The following UNC5D variants were observed in gnomAD, a reference collection of about 807,000 sequenced individuals.
The protein encoded by UNC5D is netrin receptor UNC5D.
Under a neutral mutation model 105.4 loss-of-function variants are expected in UNC5D, and 39 were observed. The ratio of observed to expected loss-of-function variants is 0.37; its 90% CI spans 0.29 to 0.48. The LOEUF (loss-of-function observed/expected upper bound fraction) is 0.48, where lower values mean the gene tolerates loss of function less well. Among genes scored for constraint, UNC5D ranks in the 20% least tolerant of loss-of-function variants. The pLI is 0.98. For missense variants in UNC5D, 991 were observed against 1,202.4 expected (o/e 0.82, Z 2.60); for synonymous variants, 452 against 450.4 (o/e 1.00, Z -0.04).
chr8:35,327,003 G>A (rs1054591556), intron 1 of UNC5D, among the ~76,000 whole-genome samples: 1 of 152,072 alleles, frequency 6.6e-6, no homozygotes, highest in African/African-American at 2.4e-5. Flanking sequence ...TATGAACATT[G>A]CCCCCACTGG....
rs537132033 is a variant in UNC5D, at chr8:35,721,928, A to G, written c.1118-282A>G. Among the ~76,000 whole-genome samples, 6 of 152,354 alleles carry G rather than the reference A, an allele frequency of 3.9e-5. No homozygotes were observed. In the South Asian group the frequency reaches 1.2e-3, roughly 32 times the overall value. ...AGTTGTCTGCTCTTACTAGAAAAAA[A>G]CATTATTTTCTTTGCAAAATTGATT... On this transcript the variant is annotated intron_variant, in intron 8 of 16. Coordinates refer to ENST00000404895, the MANE Select transcript of UNC5D (RefSeq NM_080872.4).
chr8:35,481,329 G>C (rs540841633), intron 1 of UNC5D, among the ~76,000 whole-genome samples: 63 of 152,164 alleles, frequency 4.1e-4, no homozygotes, highest in Non-Finnish European at 7.6e-4. Context: ...AATGACAAAG[G>C]TGGAGGTTGC....
At chr8:35,359,609 G>A (rs1448154671) in intron 1 of UNC5D, among the ~76,000 whole-genome samples, 27 of 152,104 alleles carry the variant, frequency 1.8e-4, no homozygotes, top group Admixed American at 1.6e-3. Flanking sequence ...GCAAAATATA[G>A]TGAAATAAGG....
chr8:35,759,019 G>C (rs779420819), intron 13 of UNC5D, among the ~76,000 whole-genome samples: 12 of 152,144 alleles, frequency 7.9e-5, no homozygotes, highest in Non-Finnish European at 1.6e-4. Flanking sequence ...ATTACGATTT[G>C]CTTGGGGTCA....
At chr8:35,668,534 A>G (rs1178394535) in intron 4 of UNC5D, among the ~76,000 whole-genome samples, 1 of 152,014 alleles carries the variant, frequency 6.6e-6, no homozygotes, top group Non-Finnish European at 1.5e-5. Context: ...TATTATAAGA[A>G]TATTTACCCA....
intron 1 of UNC5D, among the ~76,000 whole-genome samples, chr8:35,378,849 G>A (rs1191438955): frequency 2.6e-5 from 4 of 152,142 alleles, no homozygotes; most frequent in African/African-American, 7.2e-5. Flanking sequence ...AATGGGAATG[G>A]TGGGCTGGGG....
chr8:35,298,586 G>GTTTTT (rs35299004), intron 1 of UNC5D, among the ~76,000 whole-genome samples: 7 of 110,566 alleles, frequency 6.3e-5, no homozygotes, highest in South Asian at 3.1e-4. Context: ...ATTGTTGTAG[G>GTTTTT]TTTTTTTTTT....
chr8:35,781,627 A>G (rs1288263211), intron 16 of UNC5D, among the ~76,000 whole-genome samples: 1 of 152,262 alleles, frequency 6.6e-6, no homozygotes, highest in Non-Finnish European at 1.5e-5. Flanking sequence ...TTGAGACTGT[A>G]AAATCCTAGG....
At chr8:35,639,391 GA>G (rs1444008372) in intron 4 of UNC5D, among the ~76,000 whole-genome samples, 23 of 152,166 alleles carry the variant, frequency 1.5e-4, no homozygotes, top group East Asian at 3.9e-4. Flanking sequence ...TAACTATAGG[GA>G]AAAAAAGTTG....
At chr8:35,710,606 A>G (rs1827878657) in intron 8 of UNC5D, among the ~76,000 whole-genome samples, 1 of 152,202 alleles carries the variant, frequency 6.6e-6, no homozygotes, top group Non-Finnish European at 1.5e-5. Context: ...GGATGAGATC[A>G]CTAGATAATG....
intron 15 of UNC5D, among the ~76,000 whole-genome samples, chr8:35,772,814 T>A (rs945963832): frequency 6.6e-6 from 1 of 151,782 alleles, no homozygotes. Flanking sequence ...TTTTTTTTTT[T>A]TATACAGGTT....
At chr8:35,749,348 G>A (rs1830153245) in intron 12 of UNC5D, among the ~76,000 whole-genome samples, 1 of 152,156 alleles carries the variant, frequency 6.6e-6, no homozygotes, top group Non-Finnish European at 1.5e-5. Context: ...TTAAGTGAAA[G>A]CTCTGATTTT....
chr8:35,549,404 A>C lies in UNC5D; in HGVS notation c.216A>C (p.Ala72=). The C allele has an allele frequency of 6.2e-7, 1 of 1,613,462 alleles. No homozygotes were observed. Among genetic ancestry groups the C allele is most frequent in the Non-Finnish European group, 8.5e-7 (1 of 1,180,030 alleles). Residue 72 remains alanine, a synonymous_variant, in exon 2 of 17, where the codon GCA becomes GCC. Coordinates refer to ENST00000404895, the MANE Select transcript of UNC5D (RefSeq NM_080872.4). ...DAYIIKSNPI[A]LRCKARPAMQ... Reference sequence around the variant, plus strand: ...ATATTATCAAGAGCAACCCTATTGCACTCAGGTGCAAAGCGAGGCCAGCCA... The same window carrying C: ...ATATTATCAAGAGCAACCCTATTGCCCTCAGGTGCAAAGCGAGGCCAGCCA...
At chr8:35,368,600 A>C (rs1802264119) in intron 1 of UNC5D, among the ~76,000 whole-genome samples, 1 of 149,798 alleles carries the variant, frequency 6.7e-6, no homozygotes, top group Non-Finnish European at 1.5e-5. Flanking sequence ...TATTATATTA[A>C]ATATATATAA....
intron 4 of UNC5D, among the ~76,000 whole-genome samples, chr8:35,677,265 C>A (rs147658623): frequency 6.6e-6 from 1 of 152,022 alleles, no homozygotes; most frequent in Non-Finnish European, 1.5e-5. Context: ...AATACCCATG[C>A]CTCTGTCTAA....
chr8:35,782,244 T>C (rs917927368), intron 16 of UNC5D, among the ~76,000 whole-genome samples: 1 of 152,206 alleles, frequency 6.6e-6, no homozygotes, highest in Non-Finnish European at 1.5e-5. Flanking sequence ...CAATTACTGC[T>C]CTTGAGGATA....
At chr8:35,603,707 C>A (rs573828653) in intron 4 of UNC5D, among the ~76,000 whole-genome samples, 4 of 152,270 alleles carry the variant, frequency 2.6e-5, no homozygotes, top group South Asian at 4.2e-4. Flanking sequence ...TAAGGACTTG[C>A]TTTATGAATC....
intron 1 of UNC5D, among the ~76,000 whole-genome samples, chr8:35,496,969 G>A (rs1198000010): frequency 6.6e-6 from 1 of 152,088 alleles, no homozygotes; most frequent in Non-Finnish European, 1.5e-5. Flanking sequence ...CTACATTCAT[G>A]ACTGAGGCCC....
At chr8:35,324,824 C>T (rs1810028398) in intron 1 of UNC5D, among the ~76,000 whole-genome samples, 1 of 152,182 alleles carries the variant, frequency 6.6e-6, no homozygotes, top group South Asian at 2.1e-4. Flanking sequence ...AGGCAGCCTG[C>T]ACCTGTCCTA....
Sources: gnomAD v4.1 joint callset for allele counts (sites outside exome capture counted in the v4.1 genomes callset) on GRCh38, gnomAD v4.1.1 for gene constraint, MANE v1.5 for transcripts, NCBI Gene and HGNC (gene_info 2026-07-23, HGNC 2026-07-21) for gene names.